The following UBN2 variants were observed in gnomAD, a reference collection of about 807,000 sequenced individuals.
The protein encoded by UBN2 is ubinuclein 2.
A neutral mutation model predicts 120.2 loss-of-function variants in UBN2; 35 were observed. The observed-to-expected ratio is 0.29, with a 90% CI of 0.22 to 0.39. The LOEUF (loss-of-function observed/expected upper bound fraction) is 0.39. Among genes scored for constraint, UBN2 ranks in the 10% least tolerant of loss-of-function variants. The probability of loss-of-function intolerance (pLI) is 1.00; values close to 1 mark genes in which losing one functional copy is unlikely to be tolerated. For synonymous variants in UBN2, 661 were observed against 648.7 expected (o/e 1.02, Z -0.29); for missense variants, 1,693 against 1,663.2 (o/e 1.02, Z -0.31).
intron 2 of UBN2, among the ~76,000 whole-genome samples, chr7:139,249,569 C>T (rs1376584419): frequency 2.6e-5 from 4 of 152,148 alleles, no homozygotes; most frequent in Non-Finnish European, 5.9e-5. Flanking sequence ...GAGAGGTATG[C>T]GGTTTGAGAG....
intron 1 of UBN2, among the ~76,000 whole-genome samples, chr7:139,234,999 G>A (rs1796125568): frequency 6.6e-6 from 1 of 151,736 alleles, no homozygotes; most frequent in Admixed American, 6.6e-5. Context: ...ATTGGGGGAG[G>A]GTGTTTATTC....
chr7:139,243,230 C>G (rs959446908), intron 2 of UBN2, among the ~76,000 whole-genome samples: 3 of 152,122 alleles, frequency 2.0e-5, no homozygotes, highest in African/African-American at 7.2e-5. Context: ...TCACAGGGAG[C>G]TAGTACCTAG....
intron 11 of UBN2, among the ~76,000 whole-genome samples, chr7:139,274,748 G>A (rs1797388767): frequency 6.7e-6 from 1 of 148,718 alleles, no homozygotes. Context: ...GGCAACAAGA[G>A]CGAAACTCCG....
chr7:139,260,760 G>T (rs915908621), intron 5 of UBN2, among the ~76,000 whole-genome samples: 2 of 152,134 alleles, frequency 1.3e-5, no homozygotes, highest in African/African-American at 4.8e-5. Flanking sequence ...ACTTCTTTGG[G>T]AATGTAGGCT....
chr7:139,261,367 G>C lies in UBN2; in HGVS notation c.1021G>C (p.Glu341Gln). 1.2e-6 allele frequency: 2 copies of C among 1,614,126 alleles called. No homozygotes were observed. The highest frequency in any genetic ancestry group is 8.5e-7 in the Non-Finnish European group (1 of 1,180,024). The change falls in exon 6 of 18, where the codon GAG becomes CAG. Residue 341 changes from glutamate (E) to glutamine (Q), a missense_variant. By Grantham distance (29) the Glu-to-Gln change is conservative. Transcript: ENST00000473989. Reference sequence around the variant, plus strand: ...GAAAGAGAAGGATGCATTAAAGAAGGAGTCTAACCCCAAAGTCCCAGTGAC... The same window carrying C: ...GAAAGAGAAGGATGCATTAAAGAAGCAGTCTAACCCCAAAGTCCCAGTGAC... ...FQKEKDALKK[E>Q]SNPKVPVTLS...
Position 139,231,545 on chromosome 7 carries a change from G to C in UBN2, c.61G>C (p.Glu21Gln). ...SLSPVRRREA[E>Q]YPGPEREPEY... ...GTCACCGGTGCGGCGGCGCGAGGCC[G>C]AGTACCCGGGGCCCGAGCGTGAGCC... Residue 21 changes from glutamate (E) to glutamine (Q), a missense_variant, in exon 1 of 18, where the codon GAG becomes CAG. Glu to Gln is a conservative substitution (Grantham distance 29). Transcript: ENST00000473989. 1 of 1,425,148 alleles carries C rather than the reference G, an allele frequency of 7.0e-7. No homozygotes were observed. Among genetic ancestry groups the C allele is most frequent in the Non-Finnish European group, 9.2e-7 (1 of 1,081,112 alleles). The allele number at this position is 1,425,148 out of a possible 1,614,324, so 88.3% of individuals were successfully genotyped here. A position where few individuals can be genotyped will look rare whatever the true frequency, so the allele number is the denominator to read the frequency against.
intron 2 of UBN2, among the ~76,000 whole-genome samples, chr7:139,249,931 G>C (rs1412471065): frequency 6.6e-6 from 1 of 152,014 alleles, no homozygotes; most frequent in Non-Finnish European, 1.5e-5. Context: ...AAACTCCTGG[G>C]CTCTCGCAAT....
rs553648983 is a variant in UBN2, at chr7:139,257,712, G to A, written c.664-776G>A. On this transcript the variant is annotated intron_variant, in intron 3 of 17. Transcript: ENST00000473989. ...ATTATAGGCGTGAGCCACCATGCCC[G>A]GCCTAAATTAAATGTTTTTAAAGTT... 5.3e-5 allele frequency among the ~76,000 whole-genome samples: 8 copies of A among 151,726 alleles called. No individual in the cohort carries two copies. In the East Asian group the frequency reaches 5.8e-4, roughly 11 times the overall value.
chr7:139,315,807 T>G, the UBN2 span, among the ~76,000 whole-genome samples: 1 of 152,100 alleles, frequency 6.6e-6, no homozygotes, highest in Admixed American at 6.5e-5. Flanking sequence ...CTGGGCATGG[T>G]GGCTCACACC....
chr7:139,310,772 C>A (rs1044232003), downstream of UBN2, among the ~76,000 whole-genome samples: 4 of 152,048 alleles, frequency 2.6e-5, no homozygotes, highest in African/African-American at 9.7e-5. Context: ...GACGCCGTCT[C>A]AAAAATAAAT....
Position 139,273,356 on chromosome 7 carries a change from C to T in UBN2, c.1775C>T (p.Pro592Leu). The change falls in exon 10 of 18, where the codon CCA becomes CTA. Residue 592 changes from proline (P) to leucine (L), a missense_variant. Pro to Leu is a moderately conservative substitution (Grantham distance 98). Around this residue, in one of 5 missense-constraint regions of UBN2, gnomAD observed 178 missense variants for 204.0 expected, o/e 0.87. Transcript: ENST00000473989. ...TCTGAAGAGGATGATGATGAGAAAC[C>T]AGGAAAACGTGTCATAGGACCAAGA... ...NGSEEDDDEK[P>L]GKRVIGPRKK... is the part of the protein sequence containing the mutation. The T allele has an allele frequency of 6.2e-7, 1 of 1,608,298 alleles. No individual in the cohort carries two copies. Among genetic ancestry groups the T allele is most frequent in the Non-Finnish European group, 8.5e-7 (1 of 1,176,862 alleles).
intron 17 of UBN2, among the ~76,000 whole-genome samples, chr7:139,294,982 C>G (rs1468230629): frequency 6.6e-6 from 1 of 152,200 alleles, no homozygotes; most frequent in East Asian, 1.9e-4. Flanking sequence ...CCCCAGCAGT[C>G]TACCTCCATA....
chr7:139,258,351 T>C, intron 3 of UBN2, 137 bp from the exon 4 acceptor site: 3 of 591,918 alleles, frequency 5.1e-6, no homozygotes, highest in Non-Finnish European at 7.9e-6. Flanking sequence ...CTAAATTTAT[T>C]TTACAAACAT....
intron 2 of UBN2, among the ~76,000 whole-genome samples, chr7:139,247,174 A>T (rs1214822969): frequency 6.6e-6 from 1 of 152,040 alleles, no homozygotes; most frequent in African/African-American, 2.4e-5. Flanking sequence ...AAAACAAAAA[A>T]CTACCAAACC....
chr7:139,264,442 A>C (rs562352031), intron 6 of UBN2, among the ~76,000 whole-genome samples: 1 of 152,330 alleles, frequency 6.6e-6, no homozygotes, highest in East Asian at 1.9e-4. Flanking sequence ...TAAAGGACAG[A>C]GTCATAGAGT....
At chr7:139,254,076 G>A (rs538234622) in intron 3 of UBN2, among the ~76,000 whole-genome samples, 50 of 152,218 alleles carry the variant, frequency 3.3e-4, no homozygotes, top group African/African-American at 1.1e-3. Flanking sequence ...GGCAGATCAC[G>A]AGGTCAGGAG....
chr7:139,299,611 T>C lies in UBN2; in HGVS notation c.*1775T>C, dbSNP rs186265276. ...GATTATTTCAAAGGAATCACTGATA[T>C]AATTTCTTGACTCTAAGAATTTAGT... On this transcript the variant is annotated 3_prime_UTR_variant, in exon 18 of 18. Transcript: ENST00000473989. 69 of 152,316 alleles carry C rather than the reference T, an allele frequency of 4.5e-4. No homozygotes were observed. Among genetic ancestry groups the C allele is most frequent in the Non-Finnish European group, 7.6e-4 (52 of 67,998 alleles). 9.4% of individuals were successfully genotyped at this position (152,316 alleles called of 1,614,324 possible).
chr7:139,286,899 A>G (rs1412893682), intron 15 of UBN2, among the ~76,000 whole-genome samples: 2 of 152,202 alleles, frequency 1.3e-5, no homozygotes, highest in Admixed American at 1.3e-4. Flanking sequence ...TCTGCTACTA[A>G]TGTAGGCATA....
Position 139,297,807 on chromosome 7 carries a change from G to C in UBN2, c.4015G>C (p.Asp1339His). The C allele has an allele frequency of 6.2e-7, 1 of 1,614,094 alleles. No individual in the cohort carries two copies. Among genetic ancestry groups the C allele is most frequent in the Non-Finnish European group, 8.5e-7 (1 of 1,179,998 alleles). Residue 1339 changes from aspartate to histidine, a missense_variant, in exon 18 of 18, where the codon GAC becomes CAC. Physicochemically the swap from Asp to His is moderately conservative, Grantham distance 81. This residue lies in a region of UBN2 where 837 missense variants were observed against 817.6 expected (regional missense o/e 1.02). Transcript: ENST00000473989. ...AFHDGGQSKG[D>H]TKLPRKSQ ...CTCAGATGGAGGCCAAAGTAAAGGG[G>C]ACACTAAATTACCACGGAAATCTCA... is the stretch of plus-strand genomic sequence containing the variant.
Sources: allele counts gnomAD v4.1 joint callset (sites outside exome capture counted in the v4.1 genomes callset), GRCh38; gene constraint gnomAD v4.1.1; regional missense constraint gnomAD v4.1.1; transcripts MANE v1.5; gene names NCBI Gene and HGNC (gene_info 2026-07-23, HGNC 2026-07-21).